C16orf78: variants seen among roughly 807,000 people sequenced by gnomAD.
C16orf78 encodes the protein uncharacterized protein C16orf78.
In C16orf78, 19 loss-of-function variants were observed where a neutral mutation model predicts 27.3. The ratio of observed to expected loss-of-function variants is 0.70; its 90% CI spans 0.49 to 1.02. The LOEUF (loss-of-function observed/expected upper bound fraction) is 1.02. C16orf78 is among the 50% of genes least tolerant of loss of function. C16orf78 has a pLI of 0.00. For missense variants in C16orf78, 339 were observed against 337.0 expected, an observed-to-expected ratio of 1.01 and a Z score of -0.05; for synonymous variants, 130 against 116.1, an observed-to-expected ratio of 1.12 and a Z score of -0.77.
rs1397711014 is a variant in C16orf78, at chr16:49,377,799, C to T, written c.219C>T (p.Gly73=). The T allele has an allele frequency of 1.9e-6, 3 of 1,594,520 alleles. No individual in the cohort carries two copies. Among genetic ancestry groups the T allele is most frequent in the Non-Finnish European group, 2.6e-6 (3 of 1,169,940 alleles). Residue 73 remains glycine, a synonymous_variant, in exon 2 of 5, where the codon GGC becomes GGT. Coordinates refer to ENST00000299191, the MANE Select transcript of C16orf78 (RefSeq NM_144602.4). ...AGAAGGAAGAGAAGAAAGGCAAAGG[C>T]CTCATGACAGCACGGGGAGGGAACC... ...NKKKEEKKGK[G]LMTARGGNRR... is the part of the protein sequence containing the mutation.
intron 4 of C16orf78, among the ~76,000 whole-genome samples, chr16:49,396,884 C>T (rs1345584235): frequency 6.6e-6 from 1 of 152,208 alleles, no homozygotes; most frequent in Non-Finnish European, 1.5e-5. Flanking sequence ...GTAGACCATC[C>T]CCTGAATGGG....
At position 49,386,921 on chromosome 16, in the gene C16orf78, C is replaced by T. The variant is rs182876705; in HGVS notation, c.394+8328C>T. Among the ~76,000 whole-genome samples, 6 of 152,248 alleles carry T rather than the reference C, an allele frequency of 3.9e-5. No homozygotes were observed. In the East Asian group the frequency reaches 1.2e-3, roughly 29 times the overall value. On this transcript the variant is annotated intron_variant, in intron 3 of 4. Transcript: ENST00000299191. Reference sequence around the variant, plus strand: ...GCAGTGAACATATGTGTGCATGTGTCTTTATGGTAAAATGATTTATATTCC... The same window carrying T: ...GCAGTGAACATATGTGTGCATGTGTTTTTATGGTAAAATGATTTATATTCC...
intron 4 of C16orf78, among the ~76,000 whole-genome samples, chr16:49,398,317 C>A (rs1197764525): frequency 6.6e-6 from 1 of 152,088 alleles, no homozygotes; most frequent in African/African-American, 2.4e-5. Flanking sequence ...GAGTAGGGGG[C>A]CTACACCCTA....
rs139648470 is a variant in C16orf78, at chr16:49,395,906, C to A, written c.395-517C>A. The stretch of plus-strand genomic sequence containing the variant: ...GGAAAGGAAGGGAGTCGGAACAGGG[C>A]AGGGAGAAAGGAGGGAGGGGTAAAA... On this transcript the variant is annotated intron_variant, in intron 3 of 4. Coordinates refer to ENST00000299191, the MANE Select transcript of C16orf78 (RefSeq NM_144602.4). Among the ~76,000 whole-genome samples the A allele has an allele frequency of 3.8e-3, 571 of 151,920 alleles. 3 individuals are homozygous for A. The highest frequency in any genetic ancestry group is 0.013 in the African/African-American group (555 of 41,420).
chr16:49,385,763 C>T (rs1965343235), intron 3 of C16orf78, among the ~76,000 whole-genome samples: 2 of 151,428 alleles, frequency 1.3e-5, no homozygotes, highest in South Asian at 2.1e-4. Context: ...TCCAAAAAGT[C>T]ATTAAATCAC....
At chr16:49,381,163 T>C (rs1596921978) in intron 3 of C16orf78, among the ~76,000 whole-genome samples, 1 of 152,202 alleles carries the variant, frequency 6.6e-6, no homozygotes, top group East Asian at 1.9e-4. Flanking sequence ...TTTCCAATTG[T>C]GTGAAGAAAG....
Position 49,396,673 on chromosome 16 carries a change from C to G in C16orf78, c.645C>G (p.Ser215Arg). 1.2e-6 allele frequency: 2 copies of G among 1,606,736 alleles called. No homozygotes were observed. Among genetic ancestry groups the G allele is most frequent in the East Asian group, 4.5e-5 (2 of 44,872 alleles). The change falls in exon 4 of 5, where the codon AGC (serine) becomes AGG (arginine). Residue 215 changes from serine (S) to arginine (R), a missense_variant. Transcript: ENST00000299191. The part of the protein sequence containing the change: ...MRMLKPEEVL[S>R]CRYLRLSKEN... ...TGTTGAAGCCAGAGGAGGTGCTGAG[C>G]TGCCGGTGAGAGCTGCCACCCCCTG...
chr16:49,377,827 A>G lies in C16orf78; in HGVS notation c.247A>G (p.Arg83Gly). ...CATGACAGCACGGGGAGGGAACCGC[A>G]GGGACACGGAGACTTCCCAGCAGGT... ...GLMTARGGNR[R>G]DTETSQQALG... The change falls in exon 2 of 5, where the codon AGG becomes GGG. Residue 83 changes from arginine to glycine, a missense_variant. Arg to Gly is a moderately radical substitution (Grantham distance 125, BLOSUM62 -2). Coordinates refer to ENST00000299191, the MANE Select transcript of C16orf78 (RefSeq NM_144602.4). 6.3e-7 allele frequency: 1 copy of G among 1,580,530 alleles called. No individual in the cohort carries two copies.
chr16:49,389,680 G>A (rs959058661), intron 3 of C16orf78, among the ~76,000 whole-genome samples: 27 of 152,168 alleles, frequency 1.8e-4, no homozygotes, highest in African/African-American at 5.8e-4. Context: ...TTCATTTTAT[G>A]TAAACATAAG....
At chr16:49,398,780 T>C (rs892847984) in intron 4 of C16orf78, among the ~76,000 whole-genome samples, 19 of 152,270 alleles carry the variant, frequency 1.2e-4, no homozygotes, top group African/African-American at 4.3e-4. Flanking sequence ...TTTCCTGTTG[T>C]TGACAATCCC....
At chr16:49,380,672 A>G (rs1368149274) in intron 3 of C16orf78, among the ~76,000 whole-genome samples, 1 of 152,194 alleles carries the variant, frequency 6.6e-6, no homozygotes, top group Non-Finnish European at 1.5e-5. Context: ...TTCTGTTGCC[A>G]TTGCTTTTGG....
intron 1 of C16orf78, among the ~76,000 whole-genome samples, chr16:49,376,577 C>T (rs528367376): frequency 5.3e-5 from 8 of 152,246 alleles, no homozygotes; most frequent in South Asian, 2.1e-4. Flanking sequence ...AGCTAACCAG[C>T]GTTACCTTCC....
chr16:49,389,156 C>T (rs1008110126), intron 3 of C16orf78, among the ~76,000 whole-genome samples: 1 of 152,138 alleles, frequency 6.6e-6, no homozygotes, highest in Admixed American at 6.5e-5. Flanking sequence ...GGTTCGGTGG[C>T]TCACGCCTGT....
chr16:49,383,037 A>G (rs1965307133), intron 3 of C16orf78, among the ~76,000 whole-genome samples: 1 of 152,260 alleles, frequency 6.6e-6, no homozygotes, highest in South Asian at 2.1e-4. Flanking sequence ...GGTTCCCTGC[A>G]GTTCCCTTCT....
At chr16:49,388,950 C>T (rs567890157) in intron 3 of C16orf78, among the ~76,000 whole-genome samples, 1 of 152,194 alleles carries the variant, frequency 6.6e-6, no homozygotes, top group East Asian at 1.9e-4. Flanking sequence ...AACAAAAAAT[C>T]AATAACATGA....
At chr16:49,382,190 C>T (rs1965294058) in intron 3 of C16orf78, among the ~76,000 whole-genome samples, 1 of 152,018 alleles carries the variant, frequency 6.6e-6, no homozygotes, top group Admixed American at 6.6e-5. Context: ...CGCATATTCT[C>T]ACTCATAGGT....
chr16:49,391,241 C>T (rs1965409652), intron 3 of C16orf78, among the ~76,000 whole-genome samples: 1 of 152,168 alleles, frequency 6.6e-6, no homozygotes, highest in Non-Finnish European at 1.5e-5. Flanking sequence ...TAACACCTTG[C>T]CAAAGTAAAT....
intron 3 of C16orf78, among the ~76,000 whole-genome samples, chr16:49,385,557 A>C (rs2151613185): frequency 6.6e-6 from 1 of 151,908 alleles, no homozygotes; most frequent in East Asian, 1.9e-4. Flanking sequence ...CGGGAGTCTG[A>C]GGCAGGAGAA....
At chr16:49,391,133 C>G (rs1965408205) in intron 3 of C16orf78, among the ~76,000 whole-genome samples, 1 of 152,178 alleles carries the variant, frequency 6.6e-6, no homozygotes, top group South Asian at 2.1e-4. Flanking sequence ...AATAGCAAGT[C>G]ACTGAAAAGT....
Sources: allele counts gnomAD v4.1 joint callset (sites outside exome capture counted in the v4.1 genomes callset), GRCh38; gene constraint gnomAD v4.1.1; transcripts MANE v1.5; gene names NCBI Gene and HGNC (gene_info 2026-07-23, HGNC 2026-07-21).